Variants in OPCML observed in about 807,000 individuals in gnomAD.
OPCML encodes opioid-binding protein/cell adhesion molecule.
In OPCML, 13 loss-of-function variants were observed where a neutral mutation model predicts 37.8. The observed-to-expected ratio is 0.34, with a 90% CI of 0.22 to 0.55. The LOEUF (loss-of-function observed/expected upper bound fraction) is 0.55, where lower values mean the gene tolerates loss of function less well. Among genes scored for constraint, OPCML ranks in the 20% least tolerant of loss-of-function variants. OPCML has a pLI of 0.91. For missense variants in OPCML, 341 were observed against 435.6 expected (o/e 0.78, Z 1.93); for synonymous variants, 176 against 168.8 (o/e 1.04, Z -0.33).
chr11:133,056,225 C>G (rs781139287), intron 1 of OPCML, among the ~76,000 whole-genome samples: 1 of 152,206 alleles, frequency 6.6e-6, no homozygotes, highest in South Asian at 2.1e-4. Flanking sequence ...CATCCGTGGT[C>G]ATTCCTAAAC....
intron 3 of OPCML, among the ~76,000 whole-genome samples, chr11:132,615,879 G>A (rs146576599): frequency 2.2e-4 from 33 of 152,272 alleles, no homozygotes; most frequent in African/African-American, 5.8e-4. Flanking sequence ...AACAGAAGGT[G>A]AGTAACCAAG....
chr11:132,896,102 G>T (rs897497622), intron 2 of OPCML, among the ~76,000 whole-genome samples: 3 of 152,166 alleles, frequency 2.0e-5, no homozygotes, highest in African/African-American at 7.2e-5. Context: ...TTGTTTGATT[G>T]AGTGGTAAAA....
At chr11:132,793,957 G>A (rs375960963) in intron 2 of OPCML, among the ~76,000 whole-genome samples, 6 of 152,204 alleles carry the variant, frequency 3.9e-5, no homozygotes, top group Admixed American at 1.3e-4. Context: ...CCCCATGCCC[G>A]TGGGGTAAAG....
Position 132,943,079 on chromosome 11 carries a change from C to T in OPCML, c.62-69G>A. The T allele has an allele frequency of 6.2e-7, 1 of 1,614,116 alleles. No homozygotes were observed. The highest frequency in any genetic ancestry group is 2.2e-5 in the East Asian group (1 of 44,852). On this transcript the variant is annotated intron_variant, in intron 1 of 7. Transcript: ENST00000524381. This position sits in a 1 kb window ranked among gnomAD's most constrained non-coding sequence, Gnocchi z 4.3. ...GCACTTCCAGGGCAGGAACAGGTAC[C>T]CACAGACCCCCATTCTCGACAGCCA...
At chr11:133,326,500 G>T (rs1433933486) in intron 1 of OPCML, among the ~76,000 whole-genome samples, 1 of 138,514 alleles carries the variant, frequency 7.2e-6, no homozygotes, top group Non-Finnish European at 1.5e-5. Flanking sequence ...GTGGGTGTGT[G>T]TATGTGTGGG....
At chr11:133,291,389 A>G (rs58582798) in intron 1 of OPCML, among the ~76,000 whole-genome samples, 15,798 of 152,112 alleles carry the variant, frequency 0.1, 1,316 homozygotes, top group African/African-American at 0.23. Context: ...CGTCCACTGC[A>G]CCAGCATCCA....
At chr11:132,470,277 T>C (rs1186034671) in intron 4 of OPCML, among the ~76,000 whole-genome samples, 2 of 151,864 alleles carry the variant, frequency 1.3e-5, no homozygotes, top group Non-Finnish European at 2.9e-5. Flanking sequence ...CAAGGAAAGA[T>C]TTGGGATGAG....
intron 1 of OPCML, among the ~76,000 whole-genome samples, chr11:133,235,760 C>G (rs191687888): frequency 3.3e-5 from 5 of 152,174 alleles, no homozygotes; most frequent in Non-Finnish European, 1.5e-5. Flanking sequence ...TGGTCAAGGT[C>G]ATTCACAGCC....
chr11:133,327,137 T>TGGGTGTGGGTGTGTGGG (rs1943492010), intron 1 of OPCML, among the ~76,000 whole-genome samples: 1 of 77,170 alleles, frequency 1.3e-5, no homozygotes, highest in Non-Finnish European at 2.5e-5. Context: ...GTGGGGAGGG[T>TGGGTGTGGGTGTGTGGG]GAGTGTGTGT....
chr11:132,837,180 G>GGGA (rs1374010095), intron 2 of OPCML, among the ~76,000 whole-genome samples: 1 of 152,058 alleles, frequency 6.6e-6, no homozygotes, highest in Admixed American at 6.5e-5. Flanking sequence ...TGGGAGTGGT[G>GGGA]GTGCATGCCT....
chr11:132,645,009 A>G (rs757859698), intron 3 of OPCML, among the ~76,000 whole-genome samples: 2 of 152,366 alleles, frequency 1.3e-5, no homozygotes, highest in East Asian at 3.9e-4. Context: ...TTACTGGCCA[A>G]TCGGAGCACA....
At chr11:133,325,713 T>A (rs559148438) in intron 1 of OPCML, among the ~76,000 whole-genome samples, 1 of 152,294 alleles carries the variant, frequency 6.6e-6, no homozygotes, top group South Asian at 2.1e-4. Context: ...GATGACTACT[T>A]GCCAAGATGA....
intron 1 of OPCML, among the ~76,000 whole-genome samples, chr11:133,095,287 T>G (rs1371042468): frequency 3.6e-4 from 52 of 144,222 alleles, no homozygotes; most frequent in African/African-American, 1.3e-3. Context: ...GTTTTTTTTT[T>G]TTTTTTTTTT....
chr11:133,192,469 T>C (rs1407653736), intron 1 of OPCML, among the ~76,000 whole-genome samples: 1 of 152,234 alleles, frequency 6.6e-6, no homozygotes, highest in Non-Finnish European at 1.5e-5. Context: ...AGTTATTTGT[T>C]CAGCAATTCT....
chr11:133,311,747 C>T (rs969888262), intron 1 of OPCML, among the ~76,000 whole-genome samples: 3 of 152,130 alleles, frequency 2.0e-5, no homozygotes, highest in African/African-American at 7.2e-5. Context: ...TGTCTGAGAG[C>T]AAGTCAAAGT....
chr11:132,833,767 A>G (rs1940849965), intron 2 of OPCML, among the ~76,000 whole-genome samples: 1 of 152,324 alleles, frequency 6.6e-6, no homozygotes, highest in Non-Finnish European at 1.5e-5. Context: ...CATTATAATC[A>G]TATGGGACCA....
At chr11:133,240,726 A>G (rs1273042356) in intron 1 of OPCML, among the ~76,000 whole-genome samples, 3 of 152,210 alleles carry the variant, frequency 2.0e-5, no homozygotes, top group African/African-American at 7.2e-5. Flanking sequence ...CGCCTCCATC[A>G]TAAGTCACCT....
intron 1 of OPCML, among the ~76,000 whole-genome samples, chr11:132,955,296 G>A (rs76503751): frequency 0.026 from 4,011 of 152,108 alleles, 176 homozygotes; most frequent in African/African-American, 0.092. Context: ...ACAGCATTTC[G>A]TACACTGTTG....
intron 2 of OPCML, among the ~76,000 whole-genome samples, chr11:132,726,807 A>G (rs1462201590): frequency 6.6e-6 from 1 of 152,136 alleles, no homozygotes. Flanking sequence ...TATTACTTTA[A>G]GTTACCGCTC....
Sources: gnomAD v4.1 joint callset for allele counts (sites outside exome capture counted in the v4.1 genomes callset) on GRCh38, gnomAD v4.1.1 for gene constraint, Gnocchi (gnomAD v3.1) non-coding constraint, MANE v1.5 for transcripts, NCBI Gene and HGNC (gene_info 2026-07-23, HGNC 2026-07-21) for gene names.